TRPM3: variants seen among roughly 807,000 people sequenced by gnomAD.
TRPM3 encodes long transient receptor potential channel 3.
TRPM3 carries 77 observed loss-of-function variants against 181.2 expected under a neutral mutation model. The observed-to-expected ratio is 0.42, with a 90% CI of 0.35 to 0.51. The LOEUF is 0.51. TRPM3 is among the 20% of genes least tolerant of loss of function. The pLI, the probability that TRPM3 is intolerant of heterozygous loss-of-function variation, is 0.01. For synonymous variants in TRPM3, 745 were observed against 796.4 expected (o/e 0.94, Z 1.09); for missense variants, 1,759 against 2,196.7 (o/e 0.80, Z 3.98).
intron 1 of TRPM3, among the ~76,000 whole-genome samples, chr9:71,014,805 T>C (rs2097771425): frequency 6.6e-6 from 1 of 152,136 alleles, no homozygotes; most frequent in Non-Finnish European, 1.5e-5. Flanking sequence ...TTTTCCTCTA[T>C]AATTTGTGAG....
At chr9:71,397,853 T>C (rs1047479319) in intron 1 of TRPM3, among the ~76,000 whole-genome samples, 1 of 152,226 alleles carries the variant, frequency 6.6e-6, no homozygotes, top group Non-Finnish European at 1.5e-5. Context: ...AGAGATTTTT[T>C]AAGTTAGCAG....
At chr9:70,885,409 C>A (rs1218613917) in intron 1 of TRPM3, among the ~76,000 whole-genome samples, 1 of 152,128 alleles carries the variant, frequency 6.6e-6, no homozygotes, top group African/African-American at 2.4e-5. Flanking sequence ...GGTTGAAAAC[C>A]ATTGTTCCTA....
At chr9:71,135,702 T>C (rs2074721349) in intron 1 of TRPM3, among the ~76,000 whole-genome samples, 1 of 152,100 alleles carries the variant, frequency 6.6e-6, no homozygotes, top group Non-Finnish European at 1.5e-5. Flanking sequence ...TGGATATAAG[T>C]AGAGAGTTTT....
intron 1 of TRPM3, among the ~76,000 whole-genome samples, chr9:71,291,802 G>C (rs955350260): frequency 5.9e-5 from 9 of 152,066 alleles, no homozygotes; most frequent in Non-Finnish European, 1.0e-4. Flanking sequence ...GAAACGACTT[G>C]AGTAACAGAA....
intron 1 of TRPM3, among the ~76,000 whole-genome samples, chr9:71,083,686 TAA>T (rs1226447781): frequency 2.0e-5 from 3 of 149,328 alleles, no homozygotes; most frequent in Non-Finnish European, 4.4e-5. Context: ...CAGTGTTGCA[TAA>T]AAGTCCCCAA....
chr9:71,234,908 T>C (rs1160049261), intron 1 of TRPM3, among the ~76,000 whole-genome samples: 1 of 152,234 alleles, frequency 6.6e-6, no homozygotes, highest in Non-Finnish European at 1.5e-5. Context: ...CCATGTACCT[T>C]TTAACAAATA....
intron 1 of TRPM3, among the ~76,000 whole-genome samples, chr9:71,374,481 G>T (rs2092614867): frequency 6.6e-6 from 1 of 152,118 alleles, no homozygotes; most frequent in South Asian, 2.1e-4. Flanking sequence ...CAAACCCATG[G>T]CCAATATCCT....
chr9:70,621,352 A>AT, intron 14 of TRPM3, 79 bp from the exon 15 acceptor site: 1 of 1,136,930 alleles, frequency 8.8e-7, no homozygotes, highest in Non-Finnish European at 1.2e-6. Flanking sequence ...CCTATTATAT[A>AT]TTTTTTGTTT....
intron 1 of TRPM3, among the ~76,000 whole-genome samples, chr9:71,073,642 TA>T (rs140271875): frequency 0.086 from 12,700 of 147,786 alleles, 604 homozygotes; most frequent in Middle Eastern, 0.12. Flanking sequence ...AGATTATCAA[TA>T]AAAAAAAAAC....
intron 1 of TRPM3, among the ~76,000 whole-genome samples, chr9:71,260,423 T>C (rs2082963237): frequency 6.6e-6 from 1 of 152,108 alleles, no homozygotes; most frequent in Admixed American, 6.5e-5. Context: ...GTGAAGGAAG[T>C]CAATGGTAGC....
At chr9:71,366,073 T>C (rs950157159) in intron 1 of TRPM3, among the ~76,000 whole-genome samples, 2 of 152,168 alleles carry the variant, frequency 1.3e-5, no homozygotes, top group Admixed American at 6.5e-5. Flanking sequence ...TTTTCAGAGA[T>C]TGGTCATCAT....
intron 1 of TRPM3, among the ~76,000 whole-genome samples, chr9:70,934,732 G>A (rs1013322732): frequency 2.0e-5 from 3 of 152,170 alleles, no homozygotes; most frequent in African/African-American, 7.2e-5. Context: ...CAGGCTAAAA[G>A]TTGAATATCT....
At chr9:70,823,925 G>A (rs569190899) in intron 6 of TRPM3, among the ~76,000 whole-genome samples, 1 of 152,350 alleles carries the variant, frequency 6.6e-6, no homozygotes, top group African/African-American at 2.4e-5. Flanking sequence ...ACTAACTGAT[G>A]ATGATGTTTC....
At chr9:70,688,315 C>CA in intron 8 of TRPM3, among the ~76,000 whole-genome samples, 1 of 152,134 alleles carries the variant, frequency 6.6e-6, no homozygotes, top group East Asian at 1.9e-4. Context: ...ATTTTTATTT[C>CA]AATAGTTTTT....
intron 1 of TRPM3, among the ~76,000 whole-genome samples, chr9:71,076,320 A>G (rs2063456851): frequency 6.6e-6 from 1 of 152,234 alleles, no homozygotes; most frequent in African/African-American, 2.4e-5. Flanking sequence ...AACATTTACT[A>G]GCATATTACT....
At chr9:71,009,498 A>G (rs1156427684) in intron 1 of TRPM3, among the ~76,000 whole-genome samples, 2 of 152,186 alleles carry the variant, frequency 1.3e-5, no homozygotes, top group Admixed American at 6.5e-5. Flanking sequence ...TACAATAGCT[A>G]CAAAAGATAC....
At chr9:71,065,984 T>A (rs969472482) in intron 1 of TRPM3, among the ~76,000 whole-genome samples, 2 of 152,158 alleles carry the variant, frequency 1.3e-5, no homozygotes, top group African/African-American at 2.4e-5. Context: ...CACAGCCATC[T>A]GGGACTTAAG....
intron 9 of TRPM3, among the ~76,000 whole-genome samples, chr9:70,647,037 G>T (rs527918947): frequency 6.6e-6 from 1 of 152,204 alleles, no homozygotes; most frequent in African/African-American, 2.4e-5. Context: ...TTCTGAAATT[G>T]AATTAGTAAC....
intron 1 of TRPM3, among the ~76,000 whole-genome samples, chr9:71,130,275 G>A (rs1171554528): frequency 6.6e-6 from 1 of 152,096 alleles, no homozygotes; most frequent in African/African-American, 2.4e-5. Flanking sequence ...TAAGGTAACT[G>A]ATTTAGTTTC....
Sources: gnomAD v4.1 joint callset for allele counts (sites outside exome capture counted in the v4.1 genomes callset) on GRCh38, gnomAD v4.1.1 for gene constraint, MANE v1.5 for transcripts, NCBI Gene and HGNC (gene_info 2026-07-23, HGNC 2026-07-21) for gene names.